Variants in FLACC1 observed in about 807,000 individuals in gnomAD.
FLACC1 encodes flagellum associated containing coiled-coil domains 1.
Under a neutral mutation model 62.8 loss-of-function variants are expected in FLACC1, and 66 were observed. That is an observed-to-expected ratio of 1.05 (90% CI 0.86 to 1.29). The LOEUF (loss-of-function observed/expected upper bound fraction) is 1.29, where lower values mean the gene tolerates loss of function less well. FLACC1 is among the 50% of genes most tolerant of loss of function. The probability of loss-of-function intolerance (pLI) is 0.00; values close to 1 mark genes in which losing one functional copy is unlikely to be tolerated. For missense variants in FLACC1, 452 were observed against 489.1 expected (o/e 0.92, Z 0.71); for synonymous variants, 156 against 161.0 (o/e 0.97, Z 0.24).
intron 12 of FLACC1, among the ~76,000 whole-genome samples, chr2:201,291,822 A>G (rs186544332): frequency 6.8e-4 from 104 of 152,354 alleles, no homozygotes; most frequent in African/African-American, 2.1e-3. Flanking sequence ...AATGCAGAGA[A>G]GTCCTTAAAG....
intron 9 of FLACC1, among the ~76,000 whole-genome samples, chr2:201,311,875 A>T (rs1030545656): frequency 2.0e-5 from 3 of 152,202 alleles, no homozygotes; most frequent in African/African-American, 7.2e-5. Flanking sequence ...ATAAAATCCA[A>T]CATCCCTTCA....
At chr2:201,322,069 G>A (rs537312728) in intron 9 of FLACC1, among the ~76,000 whole-genome samples, 1 of 152,240 alleles carries the variant, frequency 6.6e-6, no homozygotes, top group African/African-American at 2.4e-5. Context: ...AGGGGTTCGA[G>A]ACCAGCCCGG....
At chr2:201,290,396 T>G (rs1576403433) in intron 12 of FLACC1, among the ~76,000 whole-genome samples, 1 of 152,060 alleles carries the variant, frequency 6.6e-6, no homozygotes, top group Middle Eastern at 3.4e-3. Context: ...TGGGGTGGGG[T>G]AGTATATGGG....
intron 11 of FLACC1, among the ~76,000 whole-genome samples, chr2:201,303,177 C>A (rs894464594): frequency 6.6e-6 from 1 of 151,672 alleles, no homozygotes; most frequent in South Asian, 2.1e-4. Flanking sequence ...ATTGATAGAC[C>A]GCTAGCAAGA....
intron 11 of FLACC1, among the ~76,000 whole-genome samples, chr2:201,299,705 G>A (rs190680928): frequency 7.2e-5 from 11 of 152,046 alleles, no homozygotes; most frequent in Non-Finnish European, 1.2e-4. Context: ...CAAAGCATGT[G>A]GAAAGGCAAA....
intron 1 of FLACC1, among the ~76,000 whole-genome samples, chr2:201,356,622 G>A (rs1440508789): frequency 6.6e-6 from 1 of 152,218 alleles, no homozygotes; most frequent in Non-Finnish European, 1.5e-5. Context: ...AACCTGTAGA[G>A]AAGCATAATA....
At position 201,350,917 on chromosome 2, in the gene FLACC1, T is replaced by C. The variant is rs1047883596; in HGVS notation, c.114-135A>G. 56 of 746,122 alleles carry C rather than the reference T, an allele frequency of 7.5e-5. No homozygotes were observed. In the African/African-American group the frequency reaches 8.7e-4, roughly 12 times the overall value. The allele number at this position is 746,122 out of a possible 1,614,324, so 46.2% of individuals were successfully genotyped here. A position where few individuals can be genotyped will look rare whatever the true frequency, so the allele number is the denominator to read the frequency against. On this transcript the variant is annotated intron_variant, in intron 2 of 14. Transcript: ENST00000392257. ...GATCTGATAGCTGGAATCTTTAAAATCTGAGGCCTTTAAAACTCAGGCCCA... is the reference window on the plus strand; with the variant it reads ...GATCTGATAGCTGGAATCTTTAAAACCTGAGGCCTTTAAAACTCAGGCCCA...
rs1337359153 is a variant in FLACC1, at chr2:201,289,788, G to A, written c.943-3C>T. 3.1e-6 allele frequency: 5 copies of A among 1,614,040 alleles called. No individual in the cohort carries two copies. Among genetic ancestry groups the A allele is most frequent in the Non-Finnish European group, 4.2e-6 (5 of 1,180,022 alleles). ...GCATGCAATTCTTCCTGCATGACCT[G>A]CATAAGAAGAAGCTGTTGCAGGACA... On this transcript the variant is annotated splice_region_variant and splice_polypyrimidine_tract_variant and intron_variant, in intron 12 of 14. Transcript: ENST00000392257.
Position 201,341,239 on chromosome 2 carries a change from T to C in FLACC1, c.524+1131A>G, listed in dbSNP as rs191514800. ...GGCTATGACTCAACTAAGAGTGCTA[T>C]CTCTCCACCAGGATTTCTAAGGCTG... is the stretch of plus-strand genomic sequence containing the variant. On this transcript the variant is annotated intron_variant, in intron 7 of 14. Transcript: ENST00000392257. 7.1e-4 allele frequency among the ~76,000 whole-genome samples: 108 copies of C among 152,204 alleles called. 1 individual carries two copies. The highest frequency in any genetic ancestry group is 6.0e-3 in the Admixed American group (92 of 15,282).
chr2:201,308,304 C>T (rs1950146890), intron 10 of FLACC1, among the ~76,000 whole-genome samples: 1 of 152,154 alleles, frequency 6.6e-6, no homozygotes, highest in Non-Finnish European at 1.5e-5. Flanking sequence ...GGTTCTATTG[C>T]ACTAGAATTC....
intron 8 of FLACC1, 36 bp from the exon 9 acceptor site, chr2:201,330,558 C>T: frequency 6.2e-7 from 1 of 1,601,702 alleles, no homozygotes; most frequent in South Asian, 1.1e-5. Flanking sequence ...CATCATTAGT[C>T]TTCTGATATG....
At chr2:201,306,688 A>G (rs1435562418) in intron 11 of FLACC1, among the ~76,000 whole-genome samples, 1 of 152,252 alleles carries the variant, frequency 6.6e-6, no homozygotes, top group Non-Finnish European at 1.5e-5. Flanking sequence ...ATTGCCTTTC[A>G]TCAAAATTTA....
At chr2:201,336,740 G>A (rs910527973) in intron 7 of FLACC1, among the ~76,000 whole-genome samples, 1 of 152,076 alleles carries the variant, frequency 6.6e-6, no homozygotes, top group African/African-American at 2.4e-5. Context: ...TTCCATAATG[G>A]CTGTACTAAT....
At chr2:201,345,875 G>T (rs1299833908) in intron 5 of FLACC1, among the ~76,000 whole-genome samples, 1 of 152,070 alleles carries the variant, frequency 6.6e-6, no homozygotes, top group African/African-American at 2.4e-5. Flanking sequence ...TGGACATAAT[G>T]AAAAAGAGGC....
At chr2:201,314,498 A>G (rs1373448454) in intron 9 of FLACC1, among the ~76,000 whole-genome samples, 1 of 152,220 alleles carries the variant, frequency 6.6e-6, no homozygotes, top group African/African-American at 2.4e-5. Context: ...CAAAGAAAAA[A>G]GAATAAGAAA....
In FLACC1 at chr2:201,307,608, T is replaced by C. The variant is rs777300309; in HGVS notation, c.790A>G (p.Lys264Glu). 5 of 1,613,792 alleles carry C rather than the reference T, an allele frequency of 3.1e-6. No individual in the cohort carries two copies. The South Asian group carries it at 4.4e-5, about 14-fold the overall frequency. The change falls in exon 11 of 15, where the codon AAA (lysine) becomes GAA (glutamate). Residue 264 changes from lysine to glutamate, a missense_variant. Lys to Glu is a moderately conservative substitution (Grantham distance 56). Transcript: ENST00000392257. ...ILLQQKKKMT[K>E]KFEMESGEED... Reference sequence around the variant, plus strand: ...TCTCCTGACTCCATTTCGAATTTTTTGGTCATCTTTTTTTCTGTGGAAGTG... The same window carrying C: ...TCTCCTGACTCCATTTCGAATTTTTCGGTCATCTTTTTTTCTGTGGAAGTG...
At chr2:201,349,552 C>T (rs1576478725) in intron 3 of FLACC1, among the ~76,000 whole-genome samples, 2 of 152,204 alleles carry the variant, frequency 1.3e-5, no homozygotes, top group South Asian at 2.1e-4. Context: ...GGCTCTTTTC[C>T]CAGCACCTGA....
At chr2:201,296,222 T>C (rs1266987290) in intron 12 of FLACC1, among the ~76,000 whole-genome samples, 6 of 152,162 alleles carry the variant, frequency 3.9e-5, no homozygotes, top group African/African-American at 7.2e-5. Context: ...CGTATGTTTA[T>C]TGCGGCACTA....
intron 3 of FLACC1, among the ~76,000 whole-genome samples, chr2:201,349,466 T>C (rs1433107813): frequency 1.3e-5 from 2 of 152,206 alleles, no homozygotes; most frequent in Non-Finnish European, 2.9e-5. Flanking sequence ...ATGTAATAAC[T>C]AGTTTATGGT....
Sources: allele counts gnomAD v4.1 joint callset (sites outside exome capture counted in the v4.1 genomes callset), GRCh38; gene constraint gnomAD v4.1.1; transcripts MANE v1.5; gene names NCBI Gene and HGNC (gene_info 2026-07-23, HGNC 2026-07-21).